Variants in PSD2 observed in about 807,000 individuals in gnomAD.
PSD2 encodes the protein PH and SEC7 domain-containing protein 2.
PSD2 carries 38 observed loss-of-function variants against 69.8 expected under a neutral mutation model. That is an observed-to-expected ratio of 0.54 (90% CI 0.42 to 0.71). The LOEUF (loss-of-function observed/expected upper bound fraction) is 0.71. PSD2 is among the 30% of genes least tolerant of loss of function. PSD2 has a pLI of 0.00. For missense variants in PSD2, 943 were observed against 1,014.5 expected, an observed-to-expected ratio of 0.93 and a Z score of 0.96; for synonymous variants, 412 against 423.0, an observed-to-expected ratio of 0.97 and a Z score of 0.32.
chr5:139,839,230 G>C lies in PSD2; in HGVS notation c.1968+458G>C, dbSNP rs987570033. Among the ~76,000 whole-genome samples, 1 of 152,238 alleles carries C rather than the reference G, an allele frequency of 6.6e-6. No individual in the cohort carries two copies. Among genetic ancestry groups the C allele is most frequent in the Admixed American group, 6.5e-5 (1 of 15,288 alleles). ...AGGTTCTCAGGGCTTCTTTGGAGAGGACAGGAGAAATGGTGGCCCGGAGCT... is the reference window on the plus strand; with the variant it reads ...AGGTTCTCAGGGCTTCTTTGGAGAGCACAGGAGAAATGGTGGCCCGGAGCT... On this transcript the variant is annotated intron_variant, in intron 13 of 14. Transcript: ENST00000274710. The surrounding 1 kb of genome is among the most constrained non-coding windows in gnomAD (Gnocchi z 5.1).
the PSD2 span, among the ~76,000 whole-genome samples, chr5:139,768,733 A>C: frequency 1.3e-5 from 2 of 151,828 alleles, no homozygotes; most frequent in African/African-American, 2.4e-5. Flanking sequence ...AAAAAAAAAA[A>C]AAAAACAACA....
chr5:139,795,416 C>T (rs1284580201), upstream of PSD2, among the ~76,000 whole-genome samples: 1 of 152,120 alleles, frequency 6.6e-6, no homozygotes, highest in South Asian at 2.1e-4. The surrounding 1 kb of genome is among the most constrained non-coding windows in gnomAD (Gnocchi z 4.5). Flanking sequence ...CCGCCCCCTC[C>T]TTCACCTCCA....
In PSD2 at chr5:139,813,562, A is replaced by G. The variant is rs1460063227; in HGVS notation, c.625A>G (p.Met209Val). 5 of 1,612,148 alleles carry G rather than the reference A, an allele frequency of 3.1e-6. No individual in the cohort carries two copies. The highest frequency in any genetic ancestry group is 4.2e-6 in the Non-Finnish European group (5 of 1,178,548). The change falls in exon 3 of 15, where the codon ATG (methionine) becomes GTG (valine). Residue 209 changes from methionine (M) to valine (V), a missense_variant. Physicochemically the swap from Met to Val is conservative, Grantham distance 21. Transcript: ENST00000274710. ...TGGGGACATGGCGTTTGAGGGGGAC[A>G]TGGGGGCAGCTGGTGGTGATGGGGA... is the stretch of plus-strand genomic sequence containing the variant. ...GIGDMAFEGD[M>V]GAAGGDGELG...
At chr5:139,822,660 G>A (rs764648597) in intron 6 of PSD2, 66 bp from the exon 7 acceptor site, 50 of 1,455,912 alleles carry the variant, frequency 3.4e-5, no homozygotes, top group Admixed American at 5.9e-5. Flanking sequence ...GACGGGTTCC[G>A]TCAGGAGACA....
At chr5:139,819,218 T>G (rs1179511313) in intron 5 of PSD2, among the ~76,000 whole-genome samples, 1 of 152,242 alleles carries the variant, frequency 6.6e-6, no homozygotes, top group Non-Finnish European at 1.5e-5. Flanking sequence ...TTTGTGGGGA[T>G]GCAGTGCTAA....
chr5:139,753,940 G>A, the PSD2 span, among the ~76,000 whole-genome samples: 28 of 152,186 alleles, frequency 1.8e-4, 1 homozygote, highest in South Asian at 6.2e-4. Context: ...AGGTTCAAGC[G>A]ATTCTCCTGC....
chr5:139,759,429 G>A, the PSD2 span, among the ~76,000 whole-genome samples: 2 of 152,124 alleles, frequency 1.3e-5, no homozygotes, highest in East Asian at 1.9e-4. Flanking sequence ...ACCCGTGTCG[G>A]GACGCACCGT....
intron 7 of PSD2, among the ~76,000 whole-genome samples, chr5:139,827,692 T>G (rs1288872049): frequency 6.6e-6 from 1 of 152,172 alleles, no homozygotes; most frequent in Non-Finnish European, 1.5e-5. Flanking sequence ...CTTACAATCA[T>G]GGCGGAAGGG....
At chr5:139,787,751 G>A in the PSD2 span, among the ~76,000 whole-genome samples, 1 of 152,246 alleles carries the variant, frequency 6.6e-6, no homozygotes, top group African/African-American at 2.4e-5. Context: ...GCTGCACGGG[G>A]ACCCGTGCGT....
chr5:139,748,872 G>C, the PSD2 span, among the ~76,000 whole-genome samples: 2 of 151,076 alleles, frequency 1.3e-5, no homozygotes, highest in South Asian at 4.2e-4. Context: ...AGAGAAGGGA[G>C]CAGTCACCTG....
chr5:139,782,490 G>GTTTTT, the PSD2 span, among the ~76,000 whole-genome samples: 1 of 117,074 alleles, frequency 8.5e-6, no homozygotes, highest in Non-Finnish European at 1.8e-5. Flanking sequence ...GGCCTGACTA[G>GTTTTT]TTTTTTTTTT....
At chr5:139,747,789 C>T in the PSD2 span, among the ~76,000 whole-genome samples, 1 of 152,246 alleles carries the variant, frequency 6.6e-6, no homozygotes, top group Admixed American at 6.5e-5. This position sits in a 1 kb window ranked among gnomAD's most constrained non-coding sequence, Gnocchi z 6.7. Flanking sequence ...GCCCCCCAGC[C>T]AGCGCGGGGA....
At chr5:139,824,927 C>G (rs1187981046) in intron 7 of PSD2, among the ~76,000 whole-genome samples, 1 of 152,118 alleles carries the variant, frequency 6.6e-6, no homozygotes, top group African/African-American at 2.4e-5. Flanking sequence ...ACAAAAAGAG[C>G]TCTGTTCAGA....
chr5:139,818,697 C>T (rs115092743), intron 5 of PSD2, among the ~76,000 whole-genome samples: 1,893 of 152,264 alleles, frequency 0.012, 42 homozygotes, highest in African/African-American at 0.044. Flanking sequence ...CCCATTTATG[C>T]CTGAGGTTGC....
At position 139,840,063 on chromosome 5, in the gene PSD2, C is replaced by T; in HGVS notation, c.2005C>T (p.Gln669Ter). The T allele has an allele frequency of 1.2e-6, 2 of 1,614,208 alleles. No homozygotes were observed. Among genetic ancestry groups the T allele is most frequent in the South Asian group, 1.1e-5 (1 of 91,082 alleles). The change falls in exon 14 of 15, where the codon CAG (glutamine) becomes TAG (stop). Residue 669 changes from glutamine to a stop codon, truncating the protein, a stop_gained. Transcript: ENST00000274710. LOFTEE classifies it high-confidence loss of function. ...GCGGTCTCATGAGAATAAGTTGAGG[C>T]AGCTGACTGCGGAGCTGGCCGAACA... ...QLRSHENKLR[Q>*]LTAELAEHRC...
chr5:139,819,916 G>A (rs560322968), intron 5 of PSD2, among the ~76,000 whole-genome samples: 30 of 152,328 alleles, frequency 2.0e-4, no homozygotes, highest in African/African-American at 6.5e-4. Context: ...TGCAGGCACT[G>A]GAGAGCCGCA....
In PSD2 at chr5:139,809,456, C is replaced by T; in HGVS notation, c.16C>T (p.Leu6Phe). The T allele has an allele frequency of 6.2e-7, 1 of 1,611,756 alleles. No homozygotes were observed. Among genetic ancestry groups the T allele is most frequent in the Non-Finnish European group, 8.5e-7 (1 of 1,179,418 alleles). MEEDK[L>F]LSAVPEEGDA... ...AGTGGCTGCCATGGAGGAGGACAAG[C>T]TCTTATCTGCAGTGCCTGAGGAAGG... The change falls in exon 2 of 15, where the codon CTC (leucine) becomes TTC (phenylalanine). Residue 6 changes from leucine to phenylalanine, a missense_variant. Transcript: ENST00000274710.
chr5:139,828,890 C>T (rs1760499023), intron 7 of PSD2, among the ~76,000 whole-genome samples: 1 of 152,122 alleles, frequency 6.6e-6, no homozygotes, highest in Admixed American at 6.5e-5. Flanking sequence ...CCCTAACGTG[C>T]CAGGGTCCAG....
chr5:139,808,801 C>T (rs1399106989), intron 1 of PSD2, among the ~76,000 whole-genome samples: 1 of 152,238 alleles, frequency 6.6e-6, no homozygotes, highest in African/African-American at 2.4e-5. Context: ...TGTCTGTCTC[C>T]AGGCTTCACT....
Sources: gnomAD v4.1 joint callset for allele counts (sites outside exome capture counted in the v4.1 genomes callset) on GRCh38, gnomAD v4.1.1 for gene constraint, Gnocchi (gnomAD v3.1) non-coding constraint, MANE v1.5 for transcripts, NCBI Gene and HGNC (gene_info 2026-07-23, HGNC 2026-07-21) for gene names.